Variants in NALF1 observed in about 807,000 individuals in gnomAD.
The protein encoded by NALF1 is NALCN channel auxiliary factor 1.
In NALF1, 3 loss-of-function variants were observed where a neutral mutation model predicts 48.4. The observed-to-expected ratio is 0.06, with a 90% CI of 0.03 to 0.16. The LOEUF (loss-of-function observed/expected upper bound fraction) is 0.16, where lower values mean the gene tolerates loss of function less well. Ranked by LOEUF, NALF1 falls within the 10% of genes least tolerant of loss-of-function variation. The pLI, the probability that NALF1 is intolerant of heterozygous loss-of-function variation, is 1.00. For synonymous variants in NALF1, 262 were observed against 245.7 expected, an observed-to-expected ratio of 1.07 and a Z score of -0.62; for missense variants, 526 against 571.5, an observed-to-expected ratio of 0.92 and a Z score of 0.81.
intron 1 of NALF1, among the ~76,000 whole-genome samples, chr13:107,367,019 G>C (rs2138960565): frequency 6.6e-6 from 1 of 152,302 alleles, no homozygotes; most frequent in Non-Finnish European, 1.5e-5. Context: ...CGTTATTTTA[G>C]AGGGAAAAGA....
chr13:107,621,113 G>A (rs1045697721), intron 1 of NALF1, among the ~76,000 whole-genome samples: 1 of 152,010 alleles, frequency 6.6e-6, no homozygotes, highest in South Asian at 2.1e-4. Flanking sequence ...AAGTAGTTCC[G>A]GATGAACTTG....
chr13:107,596,304 A>T (rs1878745798), intron 1 of NALF1, among the ~76,000 whole-genome samples: 1 of 152,234 alleles, frequency 6.6e-6, no homozygotes, highest in African/African-American at 2.4e-5. Flanking sequence ...CATTTGGCCC[A>T]GCAATCCCAT....
chr13:107,526,225 T>C (rs1338257455), intron 1 of NALF1, among the ~76,000 whole-genome samples: 1 of 152,146 alleles, frequency 6.6e-6, no homozygotes, highest in Admixed American at 6.6e-5. Context: ...AGCATCTGTA[T>C]GTTCAGATAA....
intron 1 of NALF1, among the ~76,000 whole-genome samples, chr13:107,693,836 T>A (rs1881631718): frequency 6.6e-6 from 1 of 152,180 alleles, no homozygotes; most frequent in Non-Finnish European, 1.5e-5. Context: ...GAGGCCACGG[T>A]CCTTTCTAAG....
At chr13:107,862,617 T>C (rs1346483068) in intron 1 of NALF1, among the ~76,000 whole-genome samples, 1 of 152,012 alleles carries the variant, frequency 6.6e-6, no homozygotes, top group Non-Finnish European at 1.5e-5. Context: ...TCAGAATATT[T>C]AAAAATATTG....
chr13:107,679,203 A>G (rs1881212154), intron 1 of NALF1, among the ~76,000 whole-genome samples: 1 of 152,184 alleles, frequency 6.6e-6, no homozygotes. Flanking sequence ...ATTTTTCATA[A>G]CCTTGTAAAT....
intron 1 of NALF1, among the ~76,000 whole-genome samples, chr13:107,638,187 T>TTATATATATATATATA (rs559263292): frequency 2.1e-4 from 11 of 53,080 alleles, no homozygotes; most frequent in East Asian, 0.016. Flanking sequence ...ATATAAAGAT[T>TTATATATATATATATA]TATATATATA....
At chr13:107,861,355 T>G (rs1464810) in intron 1 of NALF1, among the ~76,000 whole-genome samples, 116,211 of 152,110 alleles carry the variant, frequency 0.76, 44,661 homozygotes, top group Non-Finnish European at 0.8. Context: ...AATATTAAAA[T>G]GTTCTATTTA....
At chr13:107,199,867 A>T (rs1879473798) in intron 2 of NALF1, among the ~76,000 whole-genome samples, 1 of 152,196 alleles carries the variant, frequency 6.6e-6, no homozygotes, top group Non-Finnish European at 1.5e-5. Context: ...GCATTGCCAC[A>T]GACACCCGTG....
At chr13:107,804,848 C>A (rs1304839474) in intron 1 of NALF1, among the ~76,000 whole-genome samples, 1 of 151,958 alleles carries the variant, frequency 6.6e-6, no homozygotes, top group African/African-American at 2.4e-5. Context: ...CTGTTCAAAC[C>A]ACAGGAATTT....
intron 1 of NALF1, among the ~76,000 whole-genome samples, chr13:107,284,499 T>C (rs1881452221): frequency 1.3e-5 from 2 of 151,904 alleles, no homozygotes; most frequent in Non-Finnish European, 2.9e-5. Flanking sequence ...CAGGAAACAA[T>C]GTGTGAAAAA....
Position 107,281,386 on chromosome 13 carries a change from C to A in NALF1, c.916-70631G>T, listed in dbSNP as rs74114095. Among the ~76,000 whole-genome samples, 396 of 152,186 alleles carry A rather than the reference C, an allele frequency of 2.6e-3. 3 individuals carry two copies. Among genetic ancestry groups the A allele is most frequent in the African/African-American group, 9.0e-3 (375 of 41,516 alleles). On this transcript the variant is annotated intron_variant, in intron 1 of 2. Coordinates refer to ENST00000375915, the MANE Select transcript of NALF1 (RefSeq NM_001080396.3). The stretch of plus-strand genomic sequence containing the variant: ...TAGAAAATGTGGAACTTGAGCTGAT[C>A]CTTTAGCAATTGGCATAATTTGAGC...
chr13:107,257,187 G>A (rs1429941927), intron 1 of NALF1, among the ~76,000 whole-genome samples: 1 of 152,124 alleles, frequency 6.6e-6, no homozygotes, highest in Non-Finnish European at 1.5e-5. Flanking sequence ...CCACCTCCAT[G>A]AGCCAGTCAC....
rs1386023650 is a variant in NALF1 at position 107,191,476 on chromosome 13, T to C, written c.1087+19108A>G. Among the ~76,000 whole-genome samples the C allele has an allele frequency of 2.0e-5, 3 of 152,162 alleles. No individual in the cohort carries two copies. In the South Asian group the frequency reaches 6.2e-4, roughly 32 times the overall value. On this transcript the variant is annotated intron_variant, in intron 2 of 2. Transcript: ENST00000375915. ...ATTTCAAAAAATATATCTGAAAGTC[T>C]TGGAAGACCTATTAAACTGAGAAAA...
intron 1 of NALF1, among the ~76,000 whole-genome samples, chr13:107,739,246 A>G (rs1159966421): frequency 6.6e-6 from 1 of 151,982 alleles, no homozygotes; most frequent in Non-Finnish European, 1.5e-5. Flanking sequence ...TGATAGGTGC[A>G]GCAAACCACC....
chr13:107,402,601 T>G (rs181940649), intron 1 of NALF1, among the ~76,000 whole-genome samples: 62 of 152,320 alleles, frequency 4.1e-4, no homozygotes, highest in African/African-American at 1.5e-3. Context: ...GTCACATGGT[T>G]TTAACTTATG....
chr13:107,204,782 T>G (rs1879599542), intron 2 of NALF1, among the ~76,000 whole-genome samples: 1 of 152,174 alleles, frequency 6.6e-6, no homozygotes, highest in Non-Finnish European at 1.5e-5. Flanking sequence ...CTTTGACATA[T>G]TTATTAAAAT....
chr13:107,191,657 C>T (rs909003476), intron 2 of NALF1, among the ~76,000 whole-genome samples: 1 of 150,036 alleles, frequency 6.7e-6, no homozygotes. Context: ...AGAACACATT[C>T]TTAAAATTCT....
intron 1 of NALF1, among the ~76,000 whole-genome samples, chr13:107,764,277 A>C (rs1421970140): frequency 6.6e-6 from 1 of 152,184 alleles, no homozygotes; most frequent in Non-Finnish European, 1.5e-5. Context: ...ACTGTAACAC[A>C]TTTAGGCCAA....
Sources: gnomAD v4.1 joint callset for allele counts (sites outside exome capture counted in the v4.1 genomes callset) on GRCh38, gnomAD v4.1.1 for gene constraint, MANE v1.5 for transcripts, NCBI Gene and HGNC (gene_info 2026-07-23, HGNC 2026-07-21) for gene names.